RIN2: variants seen among roughly 807,000 people sequenced by gnomAD.
RIN2 encodes the protein Ras and Rab interactor 2.
Under a neutral mutation model 78.0 loss-of-function variants are expected in RIN2, and 36 were observed. The ratio of observed to expected loss-of-function variants is 0.46; its 90% CI spans 0.35 to 0.61. RIN2 has a LOEUF of 0.61. Among genes scored for constraint, RIN2 ranks in the 20% least tolerant of loss-of-function variants. The pLI, the probability that RIN2 is intolerant of heterozygous loss-of-function variation, is 0.00. For missense variants in RIN2, 1,087 were observed against 1,159.7 expected (o/e 0.94, Z 0.91); for synonymous variants, 466 against 466.8 (o/e 1.00, Z 0.02).
chr20:19,878,656 A>G (rs906526302), intron 2 of RIN2, among the ~76,000 whole-genome samples: 2 of 152,128 alleles, frequency 1.3e-5, no homozygotes, highest in African/African-American at 4.8e-5. Flanking sequence ...CTCTTGCCTC[A>G]GTCCCTGAAA....
chr20:19,785,277 C>T (rs1214944963), intron 1 of RIN2, among the ~76,000 whole-genome samples: 2 of 137,834 alleles, frequency 1.5e-5, no homozygotes, highest in African/African-American at 2.8e-5. Flanking sequence ...CCTCTACATA[C>T]ACACACACAC....
At position 19,974,933 on chromosome 20, in the gene RIN2, G is replaced by A. The variant is rs780096061; in HGVS notation, c.908G>A (p.Arg303Gln). ...ACTCCCAACGCGAATGGCACGGAGC[G>A]GACTCGGTCCCCCCCACCCAGGCCC... Reference protein sequence around the residue: ...TRTPNANGTERTRSPPPRPPP... With the variant: ...TRTPNANGTEQTRSPPPRPPP... The change falls in exon 9 of 13, where the codon CGG becomes CAG. Residue 303 changes from arginine to glutamine, a missense_variant. Transcript: ENST00000255006. 8 of 1,613,604 alleles carry A rather than the reference G, an allele frequency of 5.0e-6. No homozygotes were observed. In the East Asian group the frequency reaches 1.3e-4, roughly 27 times the overall value.
At chr20:19,783,233 T>G (rs1277828838) in intron 1 of RIN2, among the ~76,000 whole-genome samples, 2 of 152,120 alleles carry the variant, frequency 1.3e-5, no homozygotes, top group African/African-American at 4.8e-5. Context: ...ATTCATACGG[T>G]TTTCTCAAAC....
intron 2 of RIN2, among the ~76,000 whole-genome samples, chr20:19,851,654 C>T (rs905417542): frequency 3.9e-5 from 6 of 151,904 alleles, no homozygotes; most frequent in Non-Finnish European, 7.4e-5. Context: ...CCTAGGAGGT[C>T]GAGAATGCAG....
At chr20:19,996,315 AAAAC>A (rs1298764578) in intron 11 of RIN2, among the ~76,000 whole-genome samples, 8 of 152,150 alleles carry the variant, frequency 5.3e-5, no homozygotes, top group African/African-American at 7.2e-5. Flanking sequence ...CGCCGTCTCA[AAAAC>A]AAACAAACAA....
At chr20:19,787,473 A>G (rs2034720588) in intron 1 of RIN2, among the ~76,000 whole-genome samples, 1 of 151,696 alleles carries the variant, frequency 6.6e-6, no homozygotes, top group Non-Finnish European at 1.5e-5. Flanking sequence ...AATGACCTCA[A>G]ATGCGGGGCT....
At chr20:19,910,298 G>A (rs1475462275) in intron 3 of RIN2, among the ~76,000 whole-genome samples, 1 of 150,906 alleles carries the variant, frequency 6.6e-6, no homozygotes, top group Admixed American at 6.6e-5. Flanking sequence ...CTTGAATCCT[G>A]AGTAGCTGGG....
At position 19,935,709 on chromosome 20, in the gene RIN2, C is replaced by T. The variant is rs774558264; in HGVS notation, c.158+510C>T. On this transcript the variant is annotated intron_variant, in intron 4 of 12. Transcript: ENST00000255006. ...TTGTAAATTCGATACAAAGGGAAGG[C>T]GGCGTGCTGTGCTGTTGAAGGCGAT... is the stretch of plus-strand genomic sequence containing the variant. The T allele has an allele frequency of 1.3e-4, 89 of 682,584 alleles. 1 individual carries two copies. Among genetic ancestry groups the T allele is most frequent in the Non-Finnish European group, 1.5e-4 (85 of 553,836 alleles). The allele number at this position is 682,584 out of a possible 1,614,324, so 42.3% of individuals were successfully genotyped here.
rs14344 is a variant in RIN2, at chr20:20,001,903, G to A, written c.*967G>A. The A allele has an allele frequency of 0.33, 50,453 of 152,406 alleles. 10,124 individuals carry two copies. Among genetic ancestry groups the A allele is most frequent in the East Asian group, 0.73 (3,770 of 5,174 alleles). 9.4% of individuals were successfully genotyped at this position (152,406 alleles called of 1,614,324 possible). On this transcript the variant is annotated 3_prime_UTR_variant, in exon 13 of 13. Transcript: ENST00000255006. The stretch of plus-strand genomic sequence containing the variant: ...ATGCTTAAAATACTGTAAATATGCA[G>A]TGAGGTTTGGCAAAATCTATTCCAT...
At chr20:19,988,427 A>G (rs984752491) in intron 9 of RIN2, among the ~76,000 whole-genome samples, 7 of 152,300 alleles carry the variant, frequency 4.6e-5, no homozygotes, top group African/African-American at 1.7e-4. Context: ...GCCTAACTTA[A>G]CTATTTCTGA....
intron 2 of RIN2, among the ~76,000 whole-genome samples, chr20:19,870,820 C>A (rs565575882): frequency 6.6e-6 from 1 of 152,254 alleles, no homozygotes; most frequent in East Asian, 1.9e-4. Context: ...GTAATATCCT[C>A]TAACTGATGC....
intron 2 of RIN2, among the ~76,000 whole-genome samples, chr20:19,853,657 G>A (rs1283628856): frequency 1.3e-5 from 2 of 152,186 alleles, no homozygotes; most frequent in Non-Finnish European, 2.9e-5. Context: ...TTTTTCATGT[G>A]TCTGTTGGCT....
In RIN2 at chr20:20,000,775, A is replaced by G. The variant is rs1325883013; in HGVS notation, c.2527A>G (p.Thr843Ala). The change falls in exon 13 of 13, where the codon ACA becomes GCA. Residue 843 changes from threonine to alanine, a missense_variant. Transcript: ENST00000255006. Reference protein sequence around the residue: ...EYSLFLFVDETWQQLAEDTYP... With the variant: ...EYSLFLFVDEAWQQLAEDTYP... ...CAGCCTCTTTCTCTTCGTTGACGAG[A>G]CATGGCAGCAGCTGGCAGAGGACAC... is the stretch of plus-strand genomic sequence containing the variant. 1 of 1,614,002 alleles carries G rather than the reference A, an allele frequency of 6.2e-7. No individual in the cohort carries two copies. The highest frequency in any genetic ancestry group is 1.7e-5 in the Admixed American group (1 of 60,026).
chr20:19,975,858 AT>A lies in RIN2; in HGVS notation c.1762+77del. 1 of 1,401,728 alleles carries A rather than the reference AT, an allele frequency of 7.1e-7. No individual in the cohort carries two copies. The highest frequency in any genetic ancestry group is 9.9e-7 in the Non-Finnish European group (1 of 1,012,404). 86.8% of individuals were successfully genotyped at this position (1,401,728 alleles called of 1,614,324 possible). A position where few individuals can be genotyped will look rare whatever the true frequency, so the allele number is the denominator to read the frequency against. On this transcript the variant is annotated intron_variant, in intron 9 of 12. Transcript: ENST00000255006. This position sits in a 1 kb window ranked among gnomAD's most constrained non-coding sequence, Gnocchi z 4.9. ...CCGGGCAGTGCAACCTATGTTTGTTATTTTTTATGAAGTTTACTCCGAAGTT... is the reference window on the plus strand; with the variant it reads ...CCGGGCAGTGCAACCTATGTTTGTTATTTTTATGAAGTTTACTCCGAAGTT...
At chr20:19,850,440 T>G (rs73277406) in intron 2 of RIN2, among the ~76,000 whole-genome samples, 4 of 152,106 alleles carry the variant, frequency 2.6e-5, no homozygotes, top group Non-Finnish European at 5.9e-5. Context: ...CTCTAGACAA[T>G]GCACAGAACC....
chr20:19,936,366 T>C (rs536605841), intron 4 of RIN2, among the ~76,000 whole-genome samples: 1 of 152,322 alleles, frequency 6.6e-6, no homozygotes, highest in East Asian at 1.9e-4. Flanking sequence ...AGTGACTCTC[T>C]GCCTCACCTC....
chr20:19,941,050 G>A lies in RIN2; in HGVS notation c.158+5851G>A, dbSNP rs79772192. ...TCGCTGGTGTCCTCTAGCCCAAGTG[G>A]ATTGCTGTGAGATGCCTGCGGTCCC... On this transcript the variant is annotated intron_variant, in intron 4 of 12. Coordinates refer to ENST00000255006, the MANE Select transcript of RIN2 (RefSeq NM_018993.4). Among the ~76,000 whole-genome samples the A allele has an allele frequency of 1.8e-3, 272 of 152,292 alleles. 6 individuals are homozygous for A. In the East Asian group the frequency reaches 0.041, roughly 23 times the overall value.
intron 10 of RIN2, 147 bp from the exon 11 acceptor site, chr20:19,992,021 T>C (rs934197697): frequency 1.0e-5 from 9 of 874,118 alleles, no homozygotes; most frequent in Non-Finnish European, 1.5e-5. Flanking sequence ...AGAGGCTACA[T>C]AGGATTCCAG....
intron 2 of RIN2, among the ~76,000 whole-genome samples, chr20:19,809,832 A>C (rs2122785562): frequency 6.6e-6 from 1 of 152,254 alleles, no homozygotes; most frequent in East Asian, 1.9e-4. Context: ...CACATGTCAC[A>C]ACCCACAACC....
Sources: gnomAD v4.1 joint callset for allele counts (sites outside exome capture counted in the v4.1 genomes callset) on GRCh38, gnomAD v4.1.1 for gene constraint, Gnocchi (gnomAD v3.1) non-coding constraint, MANE v1.5 for transcripts, NCBI Gene and HGNC (gene_info 2026-07-23, HGNC 2026-07-21) for gene names.